The following NRXN1 variants were observed in gnomAD, a reference collection of about 807,000 sequenced individuals.
NRXN1 encodes neurexin 1.
NRXN1 carries 39 observed loss-of-function variants against 150.9 expected under a neutral mutation model. The observed-to-expected ratio is 0.26, with a 90% CI of 0.20 to 0.34. The LOEUF (loss-of-function observed/expected upper bound fraction) is 0.34. Ranked by LOEUF, NRXN1 falls within the 10% of genes least tolerant of loss-of-function variation. NRXN1 has a pLI of 1.00. For synonymous variants in NRXN1, 924 were observed against 757.0 expected, an observed-to-expected ratio of 1.22 and a Z score of -3.62; for missense variants, 1,815 against 1,949.9, an observed-to-expected ratio of 0.93 and a Z score of 1.30.
intron 5 of NRXN1, among the ~76,000 whole-genome samples, chr2:50,636,849 A>G (rs901352826): frequency 2.0e-5 from 3 of 152,192 alleles, no homozygotes; most frequent in Admixed American, 6.6e-5. Context: ...TTTGTCCCCA[A>G]ATTTAAAGTA....
intron 17 of NRXN1, among the ~76,000 whole-genome samples, chr2:50,313,023 A>G (rs899653093): frequency 6.6e-6 from 1 of 152,112 alleles, no homozygotes; most frequent in Non-Finnish European, 1.5e-5. Flanking sequence ...GAAATAAGTT[A>G]AAGTATATAA....
At chr2:50,384,524 A>AAT (rs2081194927) in intron 17 of NRXN1, among the ~76,000 whole-genome samples, 1 of 147,760 alleles carries the variant, frequency 6.8e-6, no homozygotes, top group African/African-American at 2.5e-5. Context: ...AAAAAAAAAA[A>AAT]AAAAAAAAAA....
chr2:50,365,655 G>A (rs913819626), intron 17 of NRXN1, among the ~76,000 whole-genome samples: 9 of 152,128 alleles, frequency 5.9e-5, no homozygotes, highest in African/African-American at 1.9e-4. Context: ...ACTGTTGACA[G>A]ATACTTGAGG....
chr2:50,992,914 T>C (rs1216371549), intron 2 of NRXN1, among the ~76,000 whole-genome samples: 1 of 151,950 alleles, frequency 6.6e-6, no homozygotes, highest in Admixed American at 6.6e-5. Context: ...GACAAGTCTA[T>C]AGGTACAGCA....
intron 15 of NRXN1, 30 bp downstream of exon 15, chr2:50,495,875 G>A (rs2091577333): frequency 1.3e-6 from 2 of 1,544,836 alleles, no homozygotes; most frequent in Non-Finnish European, 1.8e-6. Context: ...GTGGTGCAAG[G>A]CTCGTTGCTC....
At chr2:50,103,963 C>T (rs572842301) in intron 18 of NRXN1, among the ~76,000 whole-genome samples, 1 of 152,100 alleles carries the variant, frequency 6.6e-6, no homozygotes, top group African/African-American at 2.4e-5. Context: ...CATCTCAGGC[C>T]CATTGCTCTT....
chr2:50,399,753 T>C (rs77602213), intron 17 of NRXN1, among the ~76,000 whole-genome samples: 1,892 of 129,454 alleles, frequency 0.015, 48 homozygotes, highest in African/African-American at 0.051. Context: ...ACTTACACTA[T>C]TCCAAATCTA....
chr2:50,761,615 G>A (rs1297059892), intron 5 of NRXN1, among the ~76,000 whole-genome samples: 2 of 151,798 alleles, frequency 1.3e-5, no homozygotes, highest in African/African-American at 4.8e-5. Context: ...TTTTTGTGAT[G>A]GTTAATATTG....
chr2:50,873,069 C>G (rs992763487), intron 5 of NRXN1, among the ~76,000 whole-genome samples: 1 of 151,788 alleles, frequency 6.6e-6, no homozygotes, highest in Non-Finnish European at 1.5e-5. Context: ...ACACTGGAAC[C>G]AAATTACTGA....
chr2:50,737,817 C>CCA (rs1698953035), intron 5 of NRXN1, among the ~76,000 whole-genome samples: 1 of 151,862 alleles, frequency 6.6e-6, no homozygotes, highest in Non-Finnish European at 1.5e-5. Flanking sequence ...ATAAAAACAC[C>CCA]CACCACCAGT....
chr2:49,963,061 C>A (rs1010913753), intron 21 of NRXN1, among the ~76,000 whole-genome samples: 1 of 152,056 alleles, frequency 6.6e-6, no homozygotes, highest in African/African-American at 2.4e-5. Flanking sequence ...AATTAAATAT[C>A]CATATTTATA....
chr2:50,105,558 T>C (rs1558888531), intron 18 of NRXN1, among the ~76,000 whole-genome samples: 1 of 152,034 alleles, frequency 6.6e-6, no homozygotes, highest in Non-Finnish European at 1.5e-5. Flanking sequence ...CTTGCTATTT[T>C]GAAAGATGTG....
At chr2:50,067,201 A>C (rs1695496075) in intron 19 of NRXN1, among the ~76,000 whole-genome samples, 2 of 152,174 alleles carry the variant, frequency 1.3e-5, no homozygotes, top group Admixed American at 6.5e-5. Flanking sequence ...TTTGGGGAAG[A>C]AATTAGAATC....
intron 21 of NRXN1, among the ~76,000 whole-genome samples, chr2:50,013,671 G>A (rs144828911): frequency 0.013 from 1,974 of 152,042 alleles, 22 homozygotes; most frequent in Non-Finnish European, 0.02. Context: ...TATAATCTGC[G>A]GAACCCAGGT....
At chr2:51,010,548 G>C (rs145814766) in intron 2 of NRXN1, among the ~76,000 whole-genome samples, 5 of 151,964 alleles carry the variant, frequency 3.3e-5, no homozygotes, top group Admixed American at 6.6e-5. Flanking sequence ...CACTATTACA[G>C]ACAACATGCA....
chr2:50,817,845 T>C (rs1669150303), intron 5 of NRXN1, among the ~76,000 whole-genome samples: 1 of 151,720 alleles, frequency 6.6e-6, no homozygotes, highest in Non-Finnish European at 1.5e-5. Context: ...AATAGAAAAA[T>C]TACTTCAACA....
intron 17 of NRXN1, among the ~76,000 whole-genome samples, chr2:50,423,684 T>G (rs2084186019): frequency 6.6e-6 from 1 of 152,032 alleles, no homozygotes. Flanking sequence ...ACCAAGAGCT[T>G]CCATTCCTGT....
At position 50,769,420 on chromosome 2, in the gene NRXN1, G is replaced by C. The variant is rs148517050; in HGVS notation, c.833-145805C>G. ...GATTTCTCTGAGTATATTATTCATA[G>C]AAATATTATACATTTTGATAAATGT... On this transcript the variant is annotated intron_variant, in intron 5 of 22. Coordinates refer to ENST00000401669, the MANE Select transcript of NRXN1 (RefSeq NM_001330078.2). Among the ~76,000 whole-genome samples the C allele has an allele frequency of 2.0e-5, 3 of 152,214 alleles. No homozygotes were observed. In the East Asian group the frequency reaches 5.8e-4, roughly 30 times the overall value.
chr2:50,744,761 G>C (rs971816984), intron 5 of NRXN1, among the ~76,000 whole-genome samples: 1 of 152,050 alleles, frequency 6.6e-6, no homozygotes, highest in Non-Finnish European at 1.5e-5. Context: ...TAAGATTATG[G>C]TTACATGAAA....
Sources: gnomAD v4.1 joint callset for allele counts (sites outside exome capture counted in the v4.1 genomes callset) on GRCh38, gnomAD v4.1.1 for gene constraint, MANE v1.5 for transcripts, NCBI Gene and HGNC (gene_info 2026-07-23, HGNC 2026-07-21) for gene names.